The following VPS13B variants were observed in gnomAD, a reference collection of about 807,000 sequenced individuals.
VPS13B encodes the protein vacuolar protein sorting 13 homolog B.
A neutral mutation model predicts 426.4 loss-of-function variants in VPS13B; 285 were observed. That is an observed-to-expected ratio of 0.67 (90% CI 0.61 to 0.74). VPS13B has a LOEUF of 0.74. Ranked by LOEUF, VPS13B falls within the 30% of genes least tolerant of loss-of-function variation. The pLI, the probability that VPS13B is intolerant of heterozygous loss-of-function variation, is 0.00. For missense variants in VPS13B, 4,537 were observed against 4,782.6 expected (o/e 0.95, Z 1.51); for synonymous variants, 1,676 against 1,676.4 (o/e 1.00, Z 0.01).
chr8:99,318,165 G>A (rs1448039292), intron 19 of VPS13B, among the ~76,000 whole-genome samples: 1 of 152,180 alleles, frequency 6.6e-6, no homozygotes, highest in Non-Finnish European at 1.5e-5. Flanking sequence ...TAATATTTGA[G>A]TGTATATAAA....
intron 44 of VPS13B, among the ~76,000 whole-genome samples, chr8:99,814,344 A>G (rs1425090268): frequency 6.6e-6 from 1 of 152,208 alleles, no homozygotes; most frequent in African/African-American, 2.4e-5. Context: ...ATTCTATTTT[A>G]TGTTTATTGT....
intron 19 of VPS13B, among the ~76,000 whole-genome samples, chr8:99,324,190 A>G (rs571544933): frequency 4.6e-5 from 7 of 152,350 alleles, no homozygotes; most frequent in African/African-American, 1.7e-4. Flanking sequence ...AAGCAGAGAT[A>G]TGAACATGGG....
At chr8:99,529,734 TG>T (rs1822831409) in intron 30 of VPS13B, among the ~76,000 whole-genome samples, 1 of 152,214 alleles carries the variant, frequency 6.6e-6, no homozygotes, top group Non-Finnish European at 1.5e-5. Context: ...TCAACACTGG[TG>T]TGTGAATTAA....
At chr8:99,265,956 G>A (rs1031770336) in intron 17 of VPS13B, among the ~76,000 whole-genome samples, 4 of 152,126 alleles carry the variant, frequency 2.6e-5, no homozygotes, top group African/African-American at 9.7e-5. Flanking sequence ...TGTTAGTTTA[G>A]CGCCTTAAAA....
At chr8:99,310,635 G>A (rs544742010) in intron 19 of VPS13B, among the ~76,000 whole-genome samples, 1 of 152,102 alleles carries the variant, frequency 6.6e-6, no homozygotes, top group Non-Finnish European at 1.5e-5. Flanking sequence ...CAGGGATATT[G>A]GTCTAAAATT....
At chr8:99,566,350 G>A (rs1010635750) in intron 31 of VPS13B, among the ~76,000 whole-genome samples, 1 of 152,038 alleles carries the variant, frequency 6.6e-6, no homozygotes, top group Non-Finnish European at 1.5e-5. Flanking sequence ...TCATCTTACA[G>A]CTAAGATGGA....
At chr8:99,128,679 G>A (rs953009598) in intron 8 of VPS13B, among the ~76,000 whole-genome samples, 1 of 144,582 alleles carries the variant, frequency 6.9e-6, no homozygotes, top group Non-Finnish European at 1.6e-5. Context: ...CTAAACTTTT[G>A]AAATAGTGGT....
intron 17 of VPS13B, among the ~76,000 whole-genome samples, chr8:99,205,442 G>A (rs531024362): frequency 1.3e-5 from 2 of 152,208 alleles, no homozygotes; most frequent in East Asian, 3.9e-4. Flanking sequence ...ACCATGGTAC[G>A]TGTATACCTT....
chr8:99,388,148 T>C (rs1223997897), intron 20 of VPS13B, among the ~76,000 whole-genome samples: 1 of 152,134 alleles, frequency 6.6e-6, no homozygotes, highest in African/African-American at 2.4e-5. Context: ...TGAGGGCACT[T>C]ATATATATTT....
intron 3 of VPS13B, among the ~76,000 whole-genome samples, chr8:99,053,017 G>A (rs575189097): frequency 1.3e-5 from 2 of 151,800 alleles, no homozygotes; most frequent in Non-Finnish European, 2.9e-5. Flanking sequence ...AGGGTTTTTT[G>A]TGTCTCTTAT....
intron 19 of VPS13B, among the ~76,000 whole-genome samples, chr8:99,360,234 C>CTT (rs1812477873): frequency 7.2e-5 from 7 of 97,474 alleles, no homozygotes; most frequent in African/African-American, 2.5e-4. Flanking sequence ...TTCTTTCTTT[C>CTT]TCTCTCTCCT....
intron 42 of VPS13B, among the ~76,000 whole-genome samples, chr8:99,783,943 A>C (rs1179673274): frequency 2.0e-5 from 3 of 152,186 alleles, no homozygotes; most frequent in African/African-American, 7.2e-5. Context: ...AGCTGGGAAC[A>C]TGGTAATTCT....
intron 43 of VPS13B, among the ~76,000 whole-genome samples, chr8:99,787,913 C>T (rs1179474607): frequency 6.6e-6 from 1 of 151,942 alleles, no homozygotes; most frequent in Non-Finnish European, 1.5e-5. Flanking sequence ...TTCAGAATTA[C>T]AGAATTCTAG....
chr8:99,307,383 T>C (rs1301802238), intron 19 of VPS13B, among the ~76,000 whole-genome samples: 1 of 152,104 alleles, frequency 6.6e-6, no homozygotes, highest in African/African-American at 2.4e-5. Flanking sequence ...TTATATAATT[T>C]CACTCACAGA....
intron 39 of VPS13B, among the ~76,000 whole-genome samples, chr8:99,760,373 G>T (rs528618390): frequency 3.5e-4 from 53 of 152,054 alleles, no homozygotes; most frequent in Non-Finnish European, 6.8e-4. Flanking sequence ...GCCCTTCAAA[G>T]AAAATAAAGT....
Position 99,412,026 on chromosome 8 carries a change from A to G in VPS13B, c.3083-19511A>G, listed in dbSNP as rs569943024. 1.6e-4 allele frequency among the ~76,000 whole-genome samples: 25 copies of G among 152,320 alleles called. 1 individual carries two copies. Among genetic ancestry groups the G allele is most frequent in the Admixed American group, 1.4e-3 (21 of 15,300 alleles). On this transcript the variant is annotated intron_variant, in intron 21 of 61. Coordinates refer to ENST00000357162, the MANE Select transcript of VPS13B (RefSeq NM_152564.5). The stretch of plus-strand genomic sequence containing the variant: ...CTTTTTGCTTAGGATTGTCTTGGCT[A>G]TGCGGGCTCTTTTGCAGTTCCATAT...
In VPS13B at chr8:99,778,950, C is replaced by T. The variant is rs750908734; in HGVS notation, c.7698C>T (p.Thr2566=). 2.6e-5 allele frequency: 42 copies of T among 1,613,764 alleles called. No homozygotes were observed. The highest frequency in any genetic ancestry group is 5.3e-5 in the African/African-American group (4 of 74,904). The change falls in exon 42 of 62, where the codon ACC becomes ACT. Residue 2566 remains threonine, a synonymous_variant. Coordinates refer to ENST00000357162, the MANE Select transcript of VPS13B (RefSeq NM_152564.5). ...SDVVEKLLDC[T]VIVDSVFVNL... ...TAGTGGAAAAGCTGCTTGACTGCAC[C>T]GTGATAGTTGATTCTGTATTTGTAA...
At chr8:99,702,784 A>AT (rs1324843626) in intron 36 of VPS13B, among the ~76,000 whole-genome samples, 13 of 152,142 alleles carry the variant, frequency 8.5e-5, no homozygotes, top group Non-Finnish European at 1.3e-4. Flanking sequence ...TTAGTGAAGT[A>AT]TTTTTTTAAC....
intron 19 of VPS13B, among the ~76,000 whole-genome samples, chr8:99,294,964 A>G (rs1019713376): frequency 2.6e-5 from 4 of 152,170 alleles, no homozygotes; most frequent in Non-Finnish European, 4.4e-5. Flanking sequence ...CCTATGTTTG[A>G]CTAGTTTCTC....
Sources: gnomAD v4.1 joint callset for allele counts (sites outside exome capture counted in the v4.1 genomes callset) on GRCh38, gnomAD v4.1.1 for gene constraint, MANE v1.5 for transcripts, NCBI Gene and HGNC (gene_info 2026-07-23, HGNC 2026-07-21) for gene names.